Variants in C19orf44 observed in about 807,000 individuals in gnomAD.
The protein encoded by C19orf44 is uncharacterized protein C19orf44.
Under a neutral mutation model 50.7 loss-of-function variants are expected in C19orf44, and 43 were observed. That is an observed-to-expected ratio of 0.85 (90% confidence interval 0.66 to 1.09). The LOEUF (loss-of-function observed/expected upper bound fraction) is 1.09. C19orf44 is among the 50% of genes least tolerant of loss of function. The pLI, the probability that C19orf44 is intolerant of heterozygous loss-of-function variation, is 0.00. For missense variants in C19orf44, 722 were observed against 836.2 expected (o/e 0.86, Z 1.68); for synonymous variants, 298 against 334.7 (o/e 0.89, Z 1.20).
At position 16,519,979 on chromosome 19, in the gene C19orf44, T is replaced by G; in HGVS notation, c.*41-115T>G. The G allele has an allele frequency of 1.3e-6, 1 of 750,106 alleles. No homozygotes were observed. Among genetic ancestry groups the G allele is most frequent in the South Asian group, 1.7e-5 (1 of 57,844 alleles). The allele number at this position is 750,106 out of a possible 1,614,324, so 46.5% of individuals were successfully genotyped here. A position where few individuals can be genotyped will look rare whatever the true frequency, so the allele number is the denominator to read the frequency against. On this transcript the variant is annotated intron_variant, in intron 8 of 8. Coordinates refer to ENST00000221671, the MANE Select transcript of C19orf44 (RefSeq NM_032207.4). The surrounding 1 kb of genome is among the most constrained non-coding windows in gnomAD (Gnocchi z 6.0). ...TAGAAAGCAGACCCCAGTTACTGCC[T>G]CAGGCTTCGCCAAGTGGCTACTGTG...
At chr19:16,517,364 TGCAC>T in intron 8 of C19orf44, 23 bp downstream of exon 8, 2 of 1,496,752 alleles carry the variant, frequency 1.3e-6, no homozygotes, top group Non-Finnish European at 1.9e-6. Context: ...GTGTACTCAG[TGCAC>T]ACACACGCAC....
At chr19:16,502,961 T>C in intron 2 of C19orf44, 104 bp from the exon 3 acceptor site, 1 of 1,088,272 alleles carries the variant, frequency 9.2e-7, no homozygotes, top group Non-Finnish European at 1.3e-6. Flanking sequence ...CCCTCCAGCC[T>C]AGGCAACAGA....
At chr19:16,500,471 C>T (rs1291047873) in intron 1 of C19orf44, among the ~76,000 whole-genome samples, 2 of 151,230 alleles carry the variant, frequency 1.3e-5, no homozygotes, top group African/African-American at 4.9e-5. Flanking sequence ...GCAGGAGGAT[C>T]ACTTGAGCCT....
intron 7 of C19orf44, among the ~76,000 whole-genome samples, chr19:16,516,428 A>C (rs984079129): frequency 6.6e-5 from 10 of 152,286 alleles, no homozygotes; most frequent in African/African-American, 2.4e-4. Flanking sequence ...AAACAACCAT[A>C]ATGCAATAAT....
rs780146739 is a variant in C19orf44, at chr19:16,520,125, G to A, written c.*72G>A. The A allele has an allele frequency of 1.3e-5, 21 of 1,603,804 alleles. No individual in the cohort carries two copies. The highest frequency in any genetic ancestry group is 6.7e-5 in the East Asian group (3 of 44,848). ...ACCGCAGCTTCCCAGAGTTACCAGCGCAGCACTTAAGACAGGATCTTACGG... is the reference window on the plus strand; with the variant it reads ...ACCGCAGCTTCCCAGAGTTACCAGCACAGCACTTAAGACAGGATCTTACGG... On this transcript the variant is annotated 3_prime_UTR_variant, in exon 9 of 9. Transcript: ENST00000221671. This position sits in a 1 kb window ranked among gnomAD's most constrained non-coding sequence, Gnocchi z 4.0.
At position 16,518,981 on chromosome 19, in the gene C19orf44, G is replaced by A. The variant is rs369864628; in HGVS notation, c.*41-1113G>A. On this transcript the variant is annotated intron_variant, in intron 8 of 8. Coordinates refer to ENST00000221671, the MANE Select transcript of C19orf44 (RefSeq NM_032207.4). ...TGTGGGTGGCACCCGTGCCCTCCACGCCATGGAGCACGGCGTTCCCACTGG... is the reference window on the plus strand; with the variant it reads ...TGTGGGTGGCACCCGTGCCCTCCACACCATGGAGCACGGCGTTCCCACTGG... The A allele has an allele frequency of 9.4e-5, 60 of 640,806 alleles. No individual in the cohort carries two copies. In the East Asian group the frequency reaches 9.4e-4, roughly 10 times the overall value. The allele number at this position is 640,806 out of a possible 1,614,324, so 39.7% of individuals were successfully genotyped here.
chr19:16,518,643 T>G (rs2085572183), intron 8 of C19orf44: 1 of 153,872 alleles, frequency 6.5e-6, no homozygotes, highest in South Asian at 2.0e-4. Flanking sequence ...GTTTCTGTTT[T>G]TCAATCCGCG....
intron 5 of C19orf44, 21 bp from the exon 6 acceptor site, chr19:16,512,993 C>G: frequency 6.2e-7 from 1 of 1,608,410 alleles, no homozygotes; most frequent in Non-Finnish European, 8.5e-7. Context: ...CTGCTTACCC[C>G]TCTCTTTGTC....
intron 1 of C19orf44, chr19:16,496,780 G>A (rs2093410582): frequency 6.5e-6 from 1 of 152,846 alleles, no homozygotes; most frequent in South Asian, 2.0e-4. Context: ...GTTATTTTTA[G>A]TAAATCTACA....
chr19:16,503,065 G>T lies in C19orf44; in HGVS notation c.760G>T (p.Val254Phe). The change falls in exon 3 of 9, where the codon GTC becomes TTC. Residue 254 changes from valine (V) to phenylalanine (F), a missense_variant and splice_region_variant. Transcript: ENST00000221671. ...SEEEERKLFS[V>F]PSQLRAFTVP... is the part of the protein sequence containing the mutation. ...GTTAATTTCAAGTGTTTTATATCAG[G>T]TCCCATCTCAACTGAGAGCATTTAC... is the stretch of plus-strand genomic sequence containing the variant. 2 of 1,609,104 alleles carry T rather than the reference G, an allele frequency of 1.2e-6. No individual in the cohort carries two copies. The highest frequency in any genetic ancestry group is 1.7e-5 in the Admixed American group (1 of 59,740).
At position 16,519,830 on chromosome 19, in the gene C19orf44, ACC is replaced by A; in HGVS notation, c.*41-263_*41-262del. 1 of 929,982 alleles carries A rather than the reference ACC, an allele frequency of 1.1e-6. No homozygotes were observed. Among genetic ancestry groups the A allele is most frequent in the Non-Finnish European group, 1.8e-6 (1 of 567,362 alleles). The allele number at this position is 929,982 out of a possible 1,614,324, so 57.6% of individuals were successfully genotyped here. ...TGCATGCTCACTGTCACCAGGTGAC[ACC>A]GTATGCAGATTTTGCGTCTCTACCC... is the stretch of plus-strand genomic sequence containing the variant. On this transcript the variant is annotated intron_variant, in intron 8 of 8. Coordinates refer to ENST00000221671, the MANE Select transcript of C19orf44 (RefSeq NM_032207.4). This position sits in a 1 kb window ranked among gnomAD's most constrained non-coding sequence, Gnocchi z 6.0.
At chr19:16,497,666 C>T (rs1029119045) in intron 1 of C19orf44, among the ~76,000 whole-genome samples, 1 of 151,750 alleles carries the variant, frequency 6.6e-6, no homozygotes, top group Non-Finnish European at 1.5e-5. Flanking sequence ...TTTCCCTTAG[C>T]GTGATGTATT....
rs2085609134 is a variant in C19orf44 at position 16,521,004 on chromosome 19, GGA to G, written c.*955_*956del. 2 of 1,104,318 alleles carry G rather than the reference GGA, an allele frequency of 1.8e-6. No homozygotes were observed. Among genetic ancestry groups the G allele is most frequent in the African/African-American group, 1.5e-5 (1 of 65,372 alleles). The allele number at this position is 1,104,318 out of a possible 1,614,324, so 68.4% of individuals were successfully genotyped here. A position where few individuals can be genotyped will look rare whatever the true frequency, so the allele number is the denominator to read the frequency against. ...ATCAGGAGTTAATCCACAGAACCTT[GGA>G]GAGTACATGGCCCTGTGGCTGTGGG... On this transcript the variant is annotated 3_prime_UTR_variant, in exon 9 of 9. Coordinates refer to ENST00000221671, the MANE Select transcript of C19orf44 (RefSeq NM_032207.4).
At chr19:16,518,511 G>A (rs2085570348) in intron 8 of C19orf44, 1 of 152,226 alleles carries the variant, frequency 6.6e-6, no homozygotes, top group South Asian at 2.1e-4. Context: ...CGCCTTCGAA[G>A]AATTAGGTTT....
chr19:16,503,157 A>G lies in C19orf44; in HGVS notation c.852A>G (p.Ala284=), dbSNP rs2122182615. Reference sequence around the variant, plus strand: ...CATCACACCTGCCAACCTCCCTGGCAGCAGACAGAACCCTTCACAGCACTC... The same window carrying G: ...CATCACACCTGCCAACCTCCCTGGCGGCAGACAGAACCCTTCACAGCACTC... ...SQTSHLPTSL[A]ADRTLHSTRS... The change falls in exon 3 of 9, where the codon GCA becomes GCG. Residue 284 remains alanine (A), a synonymous_variant. Coordinates refer to ENST00000221671, the MANE Select transcript of C19orf44 (RefSeq NM_032207.4). 6.2e-7 allele frequency: 1 copy of G among 1,614,156 alleles called. No individual in the cohort carries two copies. Among genetic ancestry groups the G allele is most frequent in the South Asian group, 1.1e-5 (1 of 91,076 alleles).
Position 16,501,557 on chromosome 19 carries a change from A to ATTTT in C19orf44, c.759+15_759+18dup. 1.7e-6 allele frequency: 2 copies of ATTTT among 1,198,166 alleles called. No individual in the cohort carries two copies. Among genetic ancestry groups the ATTTT allele is most frequent in the Non-Finnish European group, 2.2e-6 (2 of 918,110 alleles). The allele number at this position is 1,198,166 out of a possible 1,614,324, so 74.2% of individuals were successfully genotyped here. A position where few individuals can be genotyped will look rare whatever the true frequency, so the allele number is the denominator to read the frequency against. On this transcript the variant is annotated splice_region_variant and intron_variant, in intron 2 of 8. Coordinates refer to ENST00000221671, the MANE Select transcript of C19orf44 (RefSeq NM_032207.4). ...AAGAAAGAAAACTATTTTCGGTGAG[A>ATTTT]TTTTTTTTTTTTGGTAAATTTATTT...
chr19:16,511,762 T>C (rs1348462485), intron 5 of C19orf44, among the ~76,000 whole-genome samples: 1 of 151,924 alleles, frequency 6.6e-6, no homozygotes, highest in Non-Finnish European at 1.5e-5. Context: ...ATATCTCTTT[T>C]CTCATCCATA....
chr19:16,505,336 C>T (rs919149765), intron 3 of C19orf44, among the ~76,000 whole-genome samples: 2 of 151,898 alleles, frequency 1.3e-5, no homozygotes, highest in African/African-American at 4.8e-5. Context: ...GCCTCAGCCT[C>T]TCGAGTAGCT....
intron 1 of C19orf44, among the ~76,000 whole-genome samples, chr19:16,498,701 C>T (rs976123766): frequency 2.6e-5 from 4 of 151,386 alleles, no homozygotes; most frequent in African/African-American, 9.7e-5. Flanking sequence ...GACGGAGTCT[C>T]TCTCTTTTGC....
Sources: allele counts gnomAD v4.1 joint callset (sites outside exome capture counted in the v4.1 genomes callset), GRCh38; gene constraint gnomAD v4.1.1; non-coding constraint Gnocchi (gnomAD v3.1); transcripts MANE v1.5; gene names NCBI Gene and HGNC (gene_info 2026-07-23, HGNC 2026-07-21).